Variants in BLTP3A observed in about 807,000 individuals in gnomAD.
BLTP3A encodes bridge-like lipid transfer protein family member 3A, also known as ICBP90 binding protein 1.
the BLTP3A span, among the ~76,000 whole-genome samples, chr6:34,837,627 A>T: frequency 6.6e-6 from 1 of 152,064 alleles, no homozygotes; most frequent in African/African-American, 2.4e-5. Flanking sequence ...GCAGTGAGCC[A>T]TGATTTGTGC....
chr6:34,865,065 C>T, the BLTP3A span, among the ~76,000 whole-genome samples: 1 of 152,118 alleles, frequency 6.6e-6, no homozygotes, highest in Non-Finnish European at 1.5e-5. Flanking sequence ...ATGATATATA[C>T]ACACACACAT....
At chr6:34,856,915 C>T in the BLTP3A span, 1 of 1,613,602 alleles carries the variant, frequency 6.2e-7, no homozygotes, top group East Asian at 2.2e-5. Flanking sequence ...GGTGGATGAC[C>T]TGGACATCCA....
the BLTP3A span, among the ~76,000 whole-genome samples, chr6:34,815,216 C>T: frequency 2.6e-5 from 4 of 151,794 alleles, no homozygotes; most frequent in Admixed American, 6.6e-5. Flanking sequence ...TGCTTTTTCC[C>T]GCTTGTGGTG....
chr6:34,857,530 T>TG, the BLTP3A span: 3 of 1,581,506 alleles, frequency 1.9e-6, no homozygotes, highest in Admixed American at 1.9e-5. Flanking sequence ...TTGTCAGCCT[T>TG]GGGGCCACTA....
chr6:34,805,252 GC>G, the BLTP3A span, among the ~76,000 whole-genome samples: 1 of 151,788 alleles, frequency 6.6e-6, no homozygotes, highest in Non-Finnish European at 1.5e-5. Flanking sequence ...CTACACTTCA[GC>G]CTGGGCGACA....
chr6:34,819,897 T>G, the BLTP3A span, among the ~76,000 whole-genome samples: 2 of 152,224 alleles, frequency 1.3e-5, no homozygotes, highest in Non-Finnish European at 2.9e-5. Context: ...TTTTGCTGAT[T>G]GCACACTTAC....
the BLTP3A span, chr6:34,858,210 C>T: frequency 6.2e-7 from 1 of 1,614,194 alleles, no homozygotes; most frequent in Admixed American, 1.7e-5. Context: ...TGATTGCCAC[C>T]AATACACGTC....
At chr6:34,834,521 G>A in the BLTP3A span, 1 of 1,448,042 alleles carries the variant, frequency 6.9e-7, no homozygotes, top group Non-Finnish European at 9.4e-7. Context: ...CCATTCCTGG[G>A]AACCCAGAGG....
chr6:34,792,949 G>A, the BLTP3A span, among the ~76,000 whole-genome samples: 1 of 152,130 alleles, frequency 6.6e-6, no homozygotes, highest in Non-Finnish European at 1.5e-5. Flanking sequence ...CCGTTCCTCT[G>A]GACTTCTTTT....
At chr6:34,856,906 G>C in the BLTP3A span, 1 of 1,613,918 alleles carries the variant, frequency 6.2e-7, no homozygotes, top group African/African-American at 1.3e-5. Flanking sequence ...GGTGGTACGG[G>C]TGGATGACCT....
At chr6:34,874,565 A>G in the BLTP3A span, 49 of 152,380 alleles carry the variant, frequency 3.2e-4, no homozygotes, top group African/African-American at 1.2e-3. Context: ...AAGGGTTACT[A>G]ATAAGCAGGG....
At chr6:34,870,960 C>T in the BLTP3A span, 3 of 1,614,064 alleles carry the variant, frequency 1.9e-6, no homozygotes, top group East Asian at 2.2e-5. Flanking sequence ...CCCCCCTGGC[C>T]TCACAAAATG....
chr6:34,797,301 T>C, the BLTP3A span, among the ~76,000 whole-genome samples: 1 of 152,158 alleles, frequency 6.6e-6, no homozygotes, highest in Non-Finnish European at 1.5e-5. Context: ...ATGATAGATA[T>C]TTTGAAAACA....
At chr6:34,835,193 G>A in the BLTP3A span, 1 of 1,257,596 alleles carries the variant, frequency 8.0e-7, no homozygotes, top group Non-Finnish European at 1.1e-6. Context: ...TTCACATATT[G>A]GAGATTGAAA....
chr6:34,866,457 A>C, the BLTP3A span, among the ~76,000 whole-genome samples: 3 of 152,092 alleles, frequency 2.0e-5, no homozygotes, highest in Non-Finnish European at 4.4e-5. Context: ...CATAAACACT[A>C]CTGCCCACTT....
chr6:34,804,719 G>C, the BLTP3A span, among the ~76,000 whole-genome samples: 111 of 152,230 alleles, frequency 7.3e-4, no homozygotes, highest in African/African-American at 2.6e-3. Flanking sequence ...CTTGTTCCCT[G>C]CTGCCTTCAG....
At chr6:34,792,435 G>C in the BLTP3A span, 27 of 846,612 alleles carry the variant, frequency 3.2e-5, no homozygotes, top group Admixed American at 1.0e-3. Context: ...TGCCTAACTC[G>C]AGCCCGGACA....
the BLTP3A span, among the ~76,000 whole-genome samples, chr6:34,831,624 T>G: frequency 6.6e-6 from 1 of 152,170 alleles, no homozygotes; most frequent in Admixed American, 6.6e-5. Context: ...GAATCTCTAG[T>G]CCATCTTGGA....
the BLTP3A span, among the ~76,000 whole-genome samples, chr6:34,850,143 C>CAA: frequency 8.7e-6 from 1 of 114,856 alleles, no homozygotes; most frequent in African/African-American, 3.2e-5. Context: ...AACTCGGTCT[C>CAA]AAAAAAAAAA....
Sources: gnomAD v4.1 joint callset for allele counts (sites outside exome capture counted in the v4.1 genomes callset) on GRCh38, gnomAD v4.1.1 for gene constraint, MANE v1.5 for transcripts, NCBI Gene and HGNC (gene_info 2026-07-23, HGNC 2026-07-21) for gene names.